ZNF638: variants seen among roughly 807,000 people sequenced by gnomAD.
ZNF638 encodes CTCL tumor antigen se33-1.
Under a neutral mutation model 195.6 loss-of-function variants are expected in ZNF638, and 46 were observed. That is an observed-to-expected ratio of 0.24 (90% CI 0.19 to 0.30). The LOEUF (loss-of-function observed/expected upper bound fraction) is 0.30, where lower values mean the gene tolerates loss of function less well. Ranked by LOEUF, ZNF638 falls within the 10% of genes least tolerant of loss-of-function variation. ZNF638 has a pLI of 1.00. For missense variants in ZNF638, 2,440 were observed against 2,325.3 expected, an observed-to-expected ratio of 1.05 and a Z score of -1.01; for synonymous variants, 845 against 772.0, an observed-to-expected ratio of 1.09 and a Z score of -1.57.
chr2:71,385,476 A>G (rs2079618201), intron 10 of ZNF638, among the ~76,000 whole-genome samples: 1 of 132,088 alleles, frequency 7.6e-6, no homozygotes, highest in Non-Finnish European at 1.8e-5. Context: ...CAGAGAGAGA[A>G]CAGATTAGTG....
At chr2:71,425,650 G>T (rs894168290) in intron 23 of ZNF638, among the ~76,000 whole-genome samples, 5 of 151,978 alleles carry the variant, frequency 3.3e-5, no homozygotes, top group African/African-American at 1.2e-4. Flanking sequence ...TTCTCAAAAT[G>T]TAACCATTAT....
At chr2:71,380,827 T>C (rs2079523291) in intron 10 of ZNF638, 1 of 291,880 alleles carries the variant, frequency 3.4e-6, no homozygotes, top group Admixed American at 5.2e-5. Context: ...AGCTGTTTTT[T>C]ACATGTTTAG....
intron 26 of ZNF638, among the ~76,000 whole-genome samples, chr2:71,432,532 C>T (rs1442547626): frequency 6.6e-6 from 1 of 152,156 alleles, no homozygotes; most frequent in Non-Finnish European, 1.5e-5. Flanking sequence ...AGGTTCTTAT[C>T]TAATGACTTG....
chr2:71,407,985 G>A, intron 19 of ZNF638, 137 bp from the exon 20 acceptor site: 2 of 720,528 alleles, frequency 2.8e-6, no homozygotes, highest in Non-Finnish European at 4.3e-6. Context: ...GTGAACATGG[G>A]TGTACAAATA....
chr2:71,361,208 C>T (rs1469331945), intron 3 of ZNF638, among the ~76,000 whole-genome samples: 1 of 152,176 alleles, frequency 6.6e-6, no homozygotes, highest in Non-Finnish European at 1.5e-5. Flanking sequence ...CTACCTCAGC[C>T]TCCCGAAGTG....
intron 1 of ZNF638, chr2:71,341,821 GT>G: frequency 6.6e-6 from 1 of 152,066 alleles, no homozygotes; most frequent in East Asian, 1.9e-4. Flanking sequence ...GTCTTAATTT[GT>G]TTGGTGGTTT....
At chr2:71,338,324 A>T (rs1439473337) in intron 1 of ZNF638, among the ~76,000 whole-genome samples, 10 of 152,218 alleles carry the variant, frequency 6.6e-5, no homozygotes, top group Non-Finnish European at 1.5e-5. Flanking sequence ...GCACTCTATA[A>T]GAGCTTCCCT....
At chr2:71,375,885 A>G (rs1223282711) in intron 8 of ZNF638, 1 of 152,206 alleles carries the variant, frequency 6.6e-6, no homozygotes, top group Non-Finnish European at 1.5e-5. Context: ...TTGTGGGTAG[A>G]TTAGTAACCT....
chr2:71,360,539 A>C (rs1301486906), intron 3 of ZNF638, among the ~76,000 whole-genome samples: 4 of 151,992 alleles, frequency 2.6e-5, no homozygotes, highest in Non-Finnish European at 5.9e-5. Flanking sequence ...CTTTTAATCT[A>C]GAATAGCCTA....
chr2:71,386,652 C>G (rs2670706), intron 10 of ZNF638, among the ~76,000 whole-genome samples: 1 of 152,060 alleles, frequency 6.6e-6, no homozygotes, highest in African/African-American at 2.4e-5. Flanking sequence ...AATTACCCAT[C>G]TTAATTCTCT....
intron 20 of ZNF638, among the ~76,000 whole-genome samples, chr2:71,417,843 T>A (rs1249318539): frequency 6.6e-6 from 1 of 152,226 alleles, no homozygotes; most frequent in Admixed American, 6.5e-5. Flanking sequence ...CAAACACCTA[T>A]GCCAGGAATC....
chr2:71,403,002 A>T (rs2080036791), intron 16 of ZNF638, among the ~76,000 whole-genome samples: 1 of 152,192 alleles, frequency 6.6e-6, no homozygotes, highest in African/African-American at 2.4e-5. Flanking sequence ...AGCTCAGTAA[A>T]TACACTAAAA....
chr2:71,345,390 T>C (rs541057557), intron 1 of ZNF638, among the ~76,000 whole-genome samples: 38 of 152,280 alleles, frequency 2.5e-4, no homozygotes, highest in African/African-American at 9.1e-4. Context: ...CATAGGCAGA[T>C]ATTTTATTTA....
intron 3 of ZNF638, among the ~76,000 whole-genome samples, chr2:71,361,451 C>A (rs1413799559): frequency 6.6e-6 from 1 of 152,164 alleles, no homozygotes; most frequent in South Asian, 2.1e-4. Context: ...TATAGTGAAA[C>A]CCAGTTTTGT....
intron 3 of ZNF638, among the ~76,000 whole-genome samples, chr2:71,357,004 G>A (rs1182766897): frequency 6.6e-6 from 1 of 152,078 alleles, no homozygotes; most frequent in Non-Finnish European, 1.5e-5. Context: ...TGGACCCCAC[G>A]GTTCTGGATG....
At position 71,363,139 on chromosome 2, in the gene ZNF638, T is replaced by TA. The variant is rs769166089; in HGVS notation, c.1380-13dup. On this transcript the variant is annotated splice_polypyrimidine_tract_variant and intron_variant, in intron 3 of 27. Transcript: ENST00000264447. ...ATTTTAGCTGTTAGTTAATATTGTTTATTTTCAAAATAGGTATCCTGATTG... is the reference window on the plus strand; with the variant it reads ...ATTTTAGCTGTTAGTTAATATTGTTTAATTTTCAAAATAGGTATCCTGATTG... The TA allele has an allele frequency of 6.3e-7, 1 of 1,589,290 alleles. No individual in the cohort carries two copies.
intron 26 of ZNF638, among the ~76,000 whole-genome samples, chr2:71,432,334 G>A (rs1031944685): frequency 6.6e-6 from 1 of 152,128 alleles, no homozygotes; most frequent in African/African-American, 2.4e-5. Flanking sequence ...ATGAGTAGCT[G>A]GGACTACAGG....
Position 71,431,375 on chromosome 2 carries a change from A to G in ZNF638, c.5699A>G (p.Lys1900Arg), listed in dbSNP as rs1404260596. 8 of 1,614,114 alleles carry G rather than the reference A, an allele frequency of 5.0e-6. No homozygotes were observed. In the South Asian group the frequency reaches 5.5e-5, roughly 11 times the overall value. Residue 1900 changes from lysine (K) to arginine (R), a missense_variant, in exon 26 of 28, where the codon AAG becomes AGG. By Grantham distance (26) the Lys-to-Arg change is conservative. Around this residue, in one of 5 missense-constraint regions of ZNF638, gnomAD observed 1,883 missense variants for 1,739.1 expected, o/e 1.08. Transcript: ENST00000264447. ...GATTCAGAACCAGAGCGAAAACGCA[A>G]GAAGACTGAAGACTCTTCTTCAGGC... ...LKDSEPERKR[K>R]KTEDSSSGKS...
Position 71,427,428 on chromosome 2 carries a change from AG to A in ZNF638, c.5545+18del, listed in dbSNP as rs1174559263. The A allele has an allele frequency of 1.3e-6, 2 of 1,512,718 alleles. No individual in the cohort carries two copies. Among genetic ancestry groups the A allele is most frequent in the Admixed American group, 2.3e-5 (1 of 42,904 alleles). The allele number at this position is 1,512,718 out of a possible 1,614,324, so 93.7% of individuals were successfully genotyped here. On this transcript the variant is annotated intron_variant, in intron 24 of 27. Coordinates refer to ENST00000264447, the MANE Select transcript of ZNF638 (RefSeq NM_014497.5). ...GACACTTAACAGGTAGATACTTGGA[AG>A]GGGTAGTCTTTCTGTTTTATGAGGG...
Sources: allele counts gnomAD v4.1 joint callset (sites outside exome capture counted in the v4.1 genomes callset), GRCh38; gene constraint gnomAD v4.1.1; regional missense constraint gnomAD v4.1.1; transcripts MANE v1.5; gene names NCBI Gene and HGNC (gene_info 2026-07-23, HGNC 2026-07-21).